Variants in ST3GAL1 observed in about 807,000 individuals in gnomAD.
ST3GAL1 encodes CMP-N-acetylneuraminate-beta-galactosamide-alpha-2,3-sialyltransferase 1.
ST3GAL1 carries 16 observed loss-of-function variants against 34.1 expected under a neutral mutation model. That is an observed-to-expected ratio of 0.47 (90% CI 0.32 to 0.71). The LOEUF is 0.71. ST3GAL1 is among the 30% of genes least tolerant of loss of function. ST3GAL1 has a pLI of 0.04. For synonymous variants in ST3GAL1, 191 were observed against 184.7 expected, an observed-to-expected ratio of 1.03 and a Z score of -0.28; for missense variants, 353 against 447.4, an observed-to-expected ratio of 0.79 and a Z score of 1.90.
At chr8:133,474,930 A>T (rs1816110097) in intron 5 of ST3GAL1, among the ~76,000 whole-genome samples, 1 of 152,206 alleles carries the variant, frequency 6.6e-6, no homozygotes, top group Admixed American at 6.5e-5. Flanking sequence ...CATGAGAATA[A>T]GGATCTCTCT....
At chr8:133,480,180 G>A (rs529408358) in intron 3 of ST3GAL1, among the ~76,000 whole-genome samples, 9 of 152,230 alleles carry the variant, frequency 5.9e-5, no homozygotes, top group Non-Finnish European at 1.3e-4. Context: ...CTCAATACGA[G>A]GAGGCATGAA....
At chr8:133,543,977 G>A (rs1303000094) in intron 2 of ST3GAL1, 5 of 152,230 alleles carry the variant, frequency 3.3e-5, no homozygotes, top group African/African-American at 1.2e-4. Context: ...CTGTAATGGT[G>A]AGGTGCTTGA....
chr8:133,563,897 G>A (rs1289337215), intron 1 of ST3GAL1, among the ~76,000 whole-genome samples: 1 of 151,964 alleles, frequency 6.6e-6, no homozygotes, highest in Non-Finnish European at 1.5e-5. Context: ...AACCGTGTAA[G>A]GCTGTCATCA....
At chr8:133,463,336 C>T (rs1815583921) in intron 8 of ST3GAL1, 78 bp downstream of exon 8, 1 of 1,553,960 alleles carries the variant, frequency 6.4e-7, no homozygotes, top group Admixed American at 1.7e-5. Flanking sequence ...TGTCTTGCAA[C>T]TCAATGCCGT....
At chr8:133,566,584 T>C (rs1179896534) in intron 1 of ST3GAL1, among the ~76,000 whole-genome samples, 2 of 152,062 alleles carry the variant, frequency 1.3e-5, no homozygotes, top group Admixed American at 6.5e-5. Flanking sequence ...CTCACGGAAA[T>C]GCAGGGACTT....
At position 133,463,976 on chromosome 8, in the gene ST3GAL1, G is replaced by A. The variant is rs1373275190; in HGVS notation, c.684-517C>T. 2.0e-4 allele frequency among the ~76,000 whole-genome samples: 7 copies of A among 35,054 alleles called. No individual in the cohort carries two copies. In the South Asian group the frequency reaches 3.1e-3, roughly 16 times the overall value. 23.0% of individuals were successfully genotyped at this position (35,054 alleles called of 152,430 possible). A position where few individuals can be genotyped will look rare whatever the true frequency, so the allele number is the denominator to read the frequency against. On this transcript the variant is annotated intron_variant, in intron 7 of 9. Transcript: ENST00000522652. ...GTCCCACCCCACCCCACCCCGCCCC[G>A]GTCTGCCTCCCTCACTCCCGGTCTC... is the stretch of plus-strand genomic sequence containing the variant.
At chr8:133,509,587 A>C (rs2131009043) in intron 2 of ST3GAL1, among the ~76,000 whole-genome samples, 2 of 152,356 alleles carry the variant, frequency 1.3e-5, no homozygotes, top group South Asian at 4.1e-4. Flanking sequence ...AGGAGAGCGG[A>C]GCTCAGGCGG....
chr8:133,548,467 C>T (rs1481804239), intron 1 of ST3GAL1, among the ~76,000 whole-genome samples: 1 of 152,238 alleles, frequency 6.6e-6, no homozygotes, highest in East Asian at 1.9e-4. Context: ...TTACCGCCAA[C>T]ACGTTAACTC....
At chr8:133,503,963 T>C (rs1298398633) in intron 2 of ST3GAL1, among the ~76,000 whole-genome samples, 2 of 152,146 alleles carry the variant, frequency 1.3e-5, no homozygotes, top group African/African-American at 4.8e-5. Flanking sequence ...CAGTGTGGGA[T>C]GTCTACACTG....
chr8:133,463,689 G>A (rs1216322049), intron 7 of ST3GAL1, among the ~76,000 whole-genome samples: 2 of 152,304 alleles, frequency 1.3e-5, no homozygotes, highest in Non-Finnish European at 2.9e-5. Flanking sequence ...ATTCTGCTGG[G>A]TTTTGGCCCC....
chr8:133,532,980 G>C (rs1271108836), intron 2 of ST3GAL1, among the ~76,000 whole-genome samples: 2 of 152,150 alleles, frequency 1.3e-5, no homozygotes, highest in Admixed American at 6.5e-5. Context: ...TACTAATTAA[G>C]TGCCGGGCTG....
chr8:133,484,124 G>A (rs1816492907), intron 3 of ST3GAL1, among the ~76,000 whole-genome samples: 1 of 152,142 alleles, frequency 6.6e-6, no homozygotes, highest in African/African-American at 2.4e-5. Flanking sequence ...CCTTTCAGCA[G>A]CCCCATTCAC....
At chr8:133,528,579 G>A (rs919824877) in intron 2 of ST3GAL1, among the ~76,000 whole-genome samples, 5 of 152,208 alleles carry the variant, frequency 3.3e-5, no homozygotes, top group South Asian at 2.1e-4. Context: ...GACAGCCCAC[G>A]GGCCAAACCT....
chr8:133,531,596 C>T (rs1284369775), intron 2 of ST3GAL1, among the ~76,000 whole-genome samples: 2 of 152,040 alleles, frequency 1.3e-5, no homozygotes, highest in African/African-American at 2.4e-5. Context: ...CTTAAAAAGC[C>T]ATGTTCTTCT....
At position 133,459,179 on chromosome 8, in the gene ST3GAL1, G is replaced by C. The variant is rs1210376266; in HGVS notation, c.*585C>G. 6.6e-6 allele frequency: 1 copy of C among 152,244 alleles called. No homozygotes were observed. The highest frequency in any genetic ancestry group is 1.5e-5 in the Non-Finnish European group (1 of 68,132). 9.4% of individuals were successfully genotyped at this position (152,244 alleles called of 1,614,324 possible). A position where few individuals can be genotyped will look rare whatever the true frequency, so the allele number is the denominator to read the frequency against. ...CAAAGTGTTCAGATTACAGGTGTGA[G>C]CCACGGCACCTGGCCTCAAGTTTCT... On this transcript the variant is annotated 3_prime_UTR_variant, in exon 10 of 10. Coordinates refer to ENST00000522652, the MANE Select transcript of ST3GAL1 (RefSeq NM_173344.3). The surrounding 1 kb of genome is among the most constrained non-coding windows in gnomAD (Gnocchi z 4.7).
intron 1 of ST3GAL1, among the ~76,000 whole-genome samples, chr8:133,562,921 G>GT (rs1191573196): frequency 1.1e-5 from 1 of 89,190 alleles, no homozygotes; most frequent in Non-Finnish European, 2.4e-5. Context: ...ATAGATTTTT[G>GT]TTTTTTTATG....
intron 2 of ST3GAL1, among the ~76,000 whole-genome samples, chr8:133,536,284 C>G (rs947401347): frequency 6.6e-6 from 1 of 152,044 alleles, no homozygotes; most frequent in Non-Finnish European, 1.5e-5. Flanking sequence ...GGACTCTGTT[C>G]CAGGATAGTA....
At chr8:133,534,943 G>C (rs1028080403) in intron 2 of ST3GAL1, among the ~76,000 whole-genome samples, 1 of 152,218 alleles carries the variant, frequency 6.6e-6, no homozygotes, top group African/African-American at 2.4e-5. Flanking sequence ...GGGGCTCCCA[G>C]TGCAGCAGGG....
chr8:133,551,448 C>T (rs1563738780), intron 1 of ST3GAL1, among the ~76,000 whole-genome samples: 2 of 148,206 alleles, frequency 1.3e-5, no homozygotes, highest in African/African-American at 5.0e-5. Flanking sequence ...AGCCTGGCAA[C>T]AGAGTGAGGA....
Sources: gnomAD v4.1 joint callset for allele counts (sites outside exome capture counted in the v4.1 genomes callset) on GRCh38, gnomAD v4.1.1 for gene constraint, Gnocchi (gnomAD v3.1) non-coding constraint, MANE v1.5 for transcripts, NCBI Gene and HGNC (gene_info 2026-07-23, HGNC 2026-07-21) for gene names.